Variants in PALM2AKAP2 observed in about 807,000 individuals in gnomAD.
PALM2AKAP2 encodes the protein PALM2-AKAP2 fusion protein.
A neutral mutation model predicts 71.5 loss-of-function variants in PALM2AKAP2; 37 were observed. That is an observed-to-expected ratio of 0.52 (90% CI 0.40 to 0.68). The LOEUF is 0.68. Ranked by LOEUF, PALM2AKAP2 falls within the 30% of genes least tolerant of loss-of-function variation. PALM2AKAP2 has a pLI of 0.00. For missense variants in PALM2AKAP2, 1,224 were observed against 1,191.8 expected, an observed-to-expected ratio of 1.03 and a Z score of -0.40; for synonymous variants, 468 against 478.8, an observed-to-expected ratio of 0.98 and a Z score of 0.29.
At chr9:109,712,220 G>A (rs1165334963) in intron 1 of PALM2AKAP2, among the ~76,000 whole-genome samples, 2 of 152,114 alleles carry the variant, frequency 1.3e-5, no homozygotes, top group East Asian at 3.8e-4. Flanking sequence ...ATTGCTTACA[G>A]GGTAGTTAAA....
chr9:109,733,968 A>T (rs968078112), intron 1 of PALM2AKAP2, among the ~76,000 whole-genome samples: 4 of 152,234 alleles, frequency 2.6e-5, no homozygotes, highest in African/African-American at 9.6e-5. Context: ...ACATTCAATG[A>T]TGAATGCACC....
At chr9:110,063,707 C>T (rs370214033) in intron 1 of PALM2AKAP2, among the ~76,000 whole-genome samples, 1 of 152,098 alleles carries the variant, frequency 6.6e-6, no homozygotes. Context: ...GCCTCCCAAA[C>T]TGCTGGGATT....
intron 2 of PALM2AKAP2, among the ~76,000 whole-genome samples, chr9:109,880,263 G>A (rs1829815831): frequency 6.6e-6 from 1 of 152,138 alleles, no homozygotes; most frequent in Non-Finnish European, 1.5e-5. Context: ...GAAACATATG[G>A]GAAAATATGG....
At chr9:109,652,293 G>C (rs1827236348) in intron 1 of PALM2AKAP2, among the ~76,000 whole-genome samples, 1 of 152,058 alleles carries the variant, frequency 6.6e-6, no homozygotes, top group Non-Finnish European at 1.5e-5. Flanking sequence ...TCATGAGGGT[G>C]GATCCCTCAT....
At chr9:110,108,083 T>A (rs1341481855) in intron 1 of PALM2AKAP2, among the ~76,000 whole-genome samples, 1 of 151,998 alleles carries the variant, frequency 6.6e-6, no homozygotes, top group Non-Finnish European at 1.5e-5. Flanking sequence ...TGTTATTTTT[T>A]TTTTTTGCTT....
At chr9:109,994,522 C>A (rs1462134718) in intron 6 of PALM2AKAP2, among the ~76,000 whole-genome samples, 1 of 152,186 alleles carries the variant, frequency 6.6e-6, no homozygotes, top group Admixed American at 6.5e-5. Context: ...CTGCTTTCAG[C>A]ACATTTAGCC....
intron 1 of PALM2AKAP2, among the ~76,000 whole-genome samples, chr9:109,712,608 A>C (rs1029458605): frequency 6.6e-6 from 1 of 152,198 alleles, no homozygotes; most frequent in Middle Eastern, 3.2e-3. Flanking sequence ...TGACCCAAAG[A>C]TGTATTAATG....
chr9:109,674,500 C>T (rs1474987207), intron 1 of PALM2AKAP2, among the ~76,000 whole-genome samples: 1 of 152,004 alleles, frequency 6.6e-6, no homozygotes. Flanking sequence ...GGTGGCCTCC[C>T]TTAACTTTGT....
chr9:109,937,173 A>G (rs2132021534), intron 6 of PALM2AKAP2, among the ~76,000 whole-genome samples: 1 of 152,292 alleles, frequency 6.6e-6, no homozygotes, highest in East Asian at 1.9e-4. Flanking sequence ...AGAACCAAAC[A>G]TTCTCTGCTC....
intron 1 of PALM2AKAP2, among the ~76,000 whole-genome samples, chr9:109,659,941 AG>A (rs1202831158): frequency 5.3e-5 from 8 of 152,038 alleles, no homozygotes; most frequent in African/African-American, 1.7e-4. Flanking sequence ...CTCAGGCTCA[AG>A]TGATTCCCCT....
At chr9:110,060,127 T>A (rs1483236958) in intron 1 of PALM2AKAP2, among the ~76,000 whole-genome samples, 1 of 127,550 alleles carries the variant, frequency 7.8e-6, no homozygotes, top group Non-Finnish European at 1.7e-5. Flanking sequence ...TTTTTGTTTT[T>A]GTTTTAGATG....
intron 2 of PALM2AKAP2, among the ~76,000 whole-genome samples, chr9:109,871,855 C>T (rs1249425548): frequency 6.6e-6 from 1 of 152,074 alleles, no homozygotes; most frequent in African/African-American, 2.4e-5. Flanking sequence ...AGAATGTCTC[C>T]ATCTCAAACT....
At chr9:109,885,721 G>C (rs1363811904) in intron 3 of PALM2AKAP2, among the ~76,000 whole-genome samples, 1 of 152,218 alleles carries the variant, frequency 6.6e-6, no homozygotes, top group Non-Finnish European at 1.5e-5. Flanking sequence ...CTGTAGGTGA[G>C]AGTAGCTCTG....
At chr9:109,860,243 G>T (rs958203007) in intron 1 of PALM2AKAP2, among the ~76,000 whole-genome samples, 2 of 152,256 alleles carry the variant, frequency 1.3e-5, no homozygotes, top group African/African-American at 2.4e-5. Context: ...TTTTTAGACA[G>T]ACTATTTTTC....
intron 1 of PALM2AKAP2, among the ~76,000 whole-genome samples, chr9:109,742,169 T>C (rs1342542657): frequency 6.6e-6 from 1 of 152,164 alleles, no homozygotes; most frequent in Non-Finnish European, 1.5e-5. Flanking sequence ...TATTTTCCTG[T>C]GTAGCCTGTG....
chr9:110,059,612 G>A (rs1833918577), intron 1 of PALM2AKAP2, among the ~76,000 whole-genome samples: 1 of 152,196 alleles, frequency 6.6e-6, no homozygotes, highest in South Asian at 2.1e-4. Flanking sequence ...GGATGTGAAA[G>A]GAGGTGGGGG....
chr9:110,088,721 T>TGG (rs1564297964), intron 1 of PALM2AKAP2, among the ~76,000 whole-genome samples: 5 of 135,524 alleles, frequency 3.7e-5, no homozygotes, highest in Non-Finnish European at 6.4e-5. Context: ...TTTTTTTTTT[T>TGG]TTTTTTTTTT....
At chr9:109,862,024 C>T (rs1829323845) in intron 1 of PALM2AKAP2, among the ~76,000 whole-genome samples, 1 of 152,180 alleles carries the variant, frequency 6.6e-6, no homozygotes, top group Non-Finnish European at 1.5e-5. Context: ...AGAGATGTGT[C>T]AGCCAAGATC....
At chr9:109,951,054 G>T (rs913986634) in intron 6 of PALM2AKAP2, among the ~76,000 whole-genome samples, 4 of 152,216 alleles carry the variant, frequency 2.6e-5, no homozygotes, top group South Asian at 2.1e-4. Context: ...TCTTTGCAGG[G>T]TTCTGGAACA....
Sources: allele counts gnomAD v4.1 joint callset (sites outside exome capture counted in the v4.1 genomes callset), GRCh38; gene constraint gnomAD v4.1.1; transcripts MANE v1.5; gene names NCBI Gene and HGNC (gene_info 2026-07-23, HGNC 2026-07-21).